Variants in LRBA observed in about 807,000 individuals in gnomAD.
LRBA encodes the protein LPS responsive beige-like anchor protein.
A neutral mutation model predicts 330.0 loss-of-function variants in LRBA; 176 were observed. The ratio of observed to expected loss-of-function variants is 0.53; its 90% CI spans 0.47 to 0.60. The LOEUF is 0.60. LRBA is among the 20% of genes least tolerant of loss of function. The probability of loss-of-function intolerance (pLI) is 0.00; values close to 1 mark genes in which losing one functional copy is unlikely to be tolerated. For missense variants in LRBA, 3,259 were observed against 3,444.8 expected, an observed-to-expected ratio of 0.95 and a Z score of 1.35; for synonymous variants, 1,230 against 1,193.0, an observed-to-expected ratio of 1.03 and a Z score of -0.64.
chr4:150,650,063 A>G (rs1300900380), intron 37 of LRBA, among the ~76,000 whole-genome samples: 1 of 152,324 alleles, frequency 6.6e-6, no homozygotes, highest in East Asian at 1.9e-4. Flanking sequence ...TTTTATTCTC[A>G]TAACAATCCT....
chr4:150,854,865 G>C (rs1751039139), intron 22 of LRBA, among the ~76,000 whole-genome samples: 1 of 152,222 alleles, frequency 6.6e-6, no homozygotes, highest in Non-Finnish European at 1.5e-5. Flanking sequence ...GCTAGATTAT[G>C]ATTGTAGAAC....
chr4:150,479,163 C>T (rs1204793575), intron 42 of LRBA, among the ~76,000 whole-genome samples: 1 of 151,900 alleles, frequency 6.6e-6, no homozygotes, highest in African/African-American at 2.4e-5. Context: ...GCCTACAGTC[C>T]CAGCTACCGG....
intron 46 of LRBA, among the ~76,000 whole-genome samples, chr4:150,434,296 T>C (rs1178840961): frequency 6.6e-6 from 1 of 152,164 alleles, no homozygotes; most frequent in African/African-American, 2.4e-5. Context: ...TGTATTTCTG[T>C]AGGTAGAAGC....
At chr4:150,350,932 ATTAT>A (rs1262956035) in intron 47 of LRBA, among the ~76,000 whole-genome samples, 1 of 152,254 alleles carries the variant, frequency 6.6e-6, no homozygotes, top group African/African-American at 2.4e-5. Context: ...GTTTAACCAA[ATTAT>A]TTAGTTATGT....
chr4:150,873,113 T>C (rs767443181), intron 17 of LRBA, among the ~76,000 whole-genome samples: 13 of 152,184 alleles, frequency 8.5e-5, no homozygotes, highest in Non-Finnish European at 1.8e-4. Flanking sequence ...AAAGCATTTC[T>C]AATGGTAGCA....
chr4:150,661,587 G>T (rs1781109440), intron 37 of LRBA, among the ~76,000 whole-genome samples: 1 of 151,058 alleles, frequency 6.6e-6, no homozygotes, highest in African/African-American at 2.4e-5. Context: ...CATTAGAATT[G>T]TCTTAAAACA....
chr4:150,682,341 T>C (rs192928057), intron 37 of LRBA, among the ~76,000 whole-genome samples: 1 of 152,288 alleles, frequency 6.6e-6, no homozygotes, highest in Non-Finnish European at 1.5e-5. Context: ...GACCCATGAA[T>C]AGATGTTATT....
chr4:150,357,651 CTTTT>C (rs142531975), intron 47 of LRBA, among the ~76,000 whole-genome samples: 10 of 138,340 alleles, frequency 7.2e-5, no homozygotes, highest in Admixed American at 5.0e-4. Flanking sequence ...GGATATTGAG[CTTTT>C]TTTTTTTTTT....
In LRBA at chr4:150,608,609, T is replaced by C. The variant is rs535426704; in HGVS notation, c.5922-9478A>G. ...TTTAACAGCTTTATGATATATAATG[T>C]ATACACCATAATGCTCACCCGTTTA... On this transcript the variant is annotated intron_variant, in intron 37 of 56. Transcript: ENST00000651943. 1.7e-4 allele frequency among the ~76,000 whole-genome samples: 26 copies of C among 152,344 alleles called. No homozygotes were observed. The East Asian group carries it at 2.3e-3, about 14-fold the overall frequency.
At chr4:150,534,864 A>G (rs1764476037) in intron 40 of LRBA, among the ~76,000 whole-genome samples, 1 of 152,210 alleles carries the variant, frequency 6.6e-6, no homozygotes, top group Admixed American at 6.5e-5. Flanking sequence ...ATTTAGGCAG[A>G]TTAGTTGCTT....
At chr4:150,725,875 T>C (rs1729598336) in intron 36 of LRBA, among the ~76,000 whole-genome samples, 1 of 152,218 alleles carries the variant, frequency 6.6e-6, no homozygotes, top group South Asian at 2.1e-4. Context: ...AGGTTCCTTT[T>C]TGTGTGTTTG....
In LRBA at chr4:150,831,820, A is replaced by G; in HGVS notation, c.4726T>C (p.Ser1576Pro). 1 of 1,584,064 alleles carries G rather than the reference A, an allele frequency of 6.3e-7. No individual in the cohort carries two copies. ...TGSENENVSL[S>P]EITPAAFSTL... The stretch of plus-strand genomic sequence containing the variant: ...GGAATAGAAAATGCAAACTTACCAG[A>G]GAGTGATACATTCTCATTTTCACTG... Residue 1576 changes from serine (S) to proline (P), a missense_variant, in exon 29 of 57, where the codon TCT becomes CCT. Ser to Pro is a moderately conservative substitution (Grantham distance 74). Coordinates refer to ENST00000651943, the MANE Select transcript of LRBA (RefSeq NM_001364905.1).
chr4:150,747,120 C>T (rs530525250), intron 35 of LRBA, among the ~76,000 whole-genome samples: 1 of 152,264 alleles, frequency 6.6e-6, no homozygotes, highest in Non-Finnish European at 1.5e-5. Flanking sequence ...AGGTCAGGAA[C>T]TACTCTCTCA....
chr4:150,386,283 T>G (rs1384503366), intron 47 of LRBA, among the ~76,000 whole-genome samples: 2 of 152,158 alleles, frequency 1.3e-5, no homozygotes, highest in African/African-American at 4.8e-5. Flanking sequence ...GTTTTCTAAA[T>G]ATTATTTCAT....
rs534553174 is a variant in LRBA at position 150,444,174 on chromosome 4, C to CA, written c.6781-7311dup. The stretch of plus-strand genomic sequence containing the variant: ...ATACAGTTTTTTTAAAAAATGTGAA[C>CA]AAAAAAGGTAAATGTTGTCACCAAA... On this transcript the variant is annotated intron_variant, in intron 44 of 56. Transcript: ENST00000651943. Among the ~76,000 whole-genome samples the CA allele has an allele frequency of 5.4e-3, 816 of 151,716 alleles. 2 individuals carry two copies. The highest frequency in any genetic ancestry group is 7.2e-3 in the Non-Finnish European group (487 of 67,886).
At chr4:150,421,870 G>T (rs572223604) in intron 46 of LRBA, among the ~76,000 whole-genome samples, 1 of 152,150 alleles carries the variant, frequency 6.6e-6, no homozygotes, top group Admixed American at 6.5e-5. Context: ...CTCATCCCTG[G>T]ATCCTCCAGG....
intron 2 of LRBA, among the ~76,000 whole-genome samples, chr4:151,004,618 TTGTAA>T (rs1357076240): frequency 6.6e-6 from 1 of 152,246 alleles, no homozygotes; most frequent in African/African-American, 2.4e-5. Flanking sequence ...CAGGGTACTC[TTGTAA>T]TGGACAGAAA....
At chr4:150,754,073 A>C (rs945837043) in intron 35 of LRBA, among the ~76,000 whole-genome samples, 20 of 152,048 alleles carry the variant, frequency 1.3e-4, no homozygotes, top group Non-Finnish European at 2.5e-4. Flanking sequence ...ATCCAAAAAA[A>C]AAAAAAAGTA....
intron 40 of LRBA, among the ~76,000 whole-genome samples, chr4:150,561,648 C>T (rs1768355778): frequency 1.3e-5 from 2 of 152,104 alleles, no homozygotes; most frequent in African/African-American, 2.4e-5. Context: ...GGTAAGGAAA[C>T]GAATTCTCCC....
Sources: gnomAD v4.1 joint callset for allele counts (sites outside exome capture counted in the v4.1 genomes callset) on GRCh38, gnomAD v4.1.1 for gene constraint, MANE v1.5 for transcripts, NCBI Gene and HGNC (gene_info 2026-07-23, HGNC 2026-07-21) for gene names.